Variants in TLR7 observed in about 807,000 individuals in gnomAD.
TLR7 encodes toll-like receptor 7.
Under a neutral mutation model 38.3 loss-of-function variants are expected in TLR7, and 12 were observed. The observed-to-expected ratio is 0.31, with a 90% CI of 0.20 to 0.51. The LOEUF (loss-of-function observed/expected upper bound fraction) is 0.51, where lower values mean the gene tolerates loss of function less well. Ranked by LOEUF, TLR7 falls within the 20% of genes least tolerant of loss-of-function variation. The pLI, the probability that TLR7 is intolerant of heterozygous loss-of-function variation, is 0.98. For synonymous variants in TLR7, 285 were observed against 293.8 expected (o/e 0.97, Z 0.31); for missense variants, 504 against 743.4 (o/e 0.68, Z 3.74).
intron 2 of TLR7, among the ~76,000 whole-genome samples, chrX:12,884,223 G>A (rs990128828): frequency 3.6e-5 from 4 of 111,843 alleles, no homozygotes; most frequent in East Asian, 2.8e-4. Flanking sequence ...CAAGCGATCC[G>A]CCTGCCTTGT....
At chrX:12,882,050 T>C (rs1453392095) in intron 2 of TLR7, among the ~76,000 whole-genome samples, 1 of 110,667 alleles carries the variant, frequency 9.0e-6, no homozygotes, top group Non-Finnish European at 1.9e-5. Flanking sequence ...ATTTCAGGAA[T>C]AGGAAACAGC....
At chrX:12,870,090 T>A (rs949752252) in intron 2 of TLR7, among the ~76,000 whole-genome samples, 2 of 111,034 alleles carry the variant, frequency 1.8e-5, no homozygotes, top group African/African-American at 6.6e-5. Context: ...TAATCTGTGA[T>A]GATGGTTTAC....
intron 2 of TLR7, among the ~76,000 whole-genome samples, 170 bp from the exon 3 acceptor site, chrX:12,885,342 G>C (rs1453482008): frequency 3.6e-5 from 4 of 112,291 alleles, no homozygotes; most frequent in African/African-American, 1.3e-4. Context: ...GCAAATCTCA[G>C]TAACTGACAA....
chrX:12,884,048 C>T (rs772854577), intron 2 of TLR7, among the ~76,000 whole-genome samples: 1 of 111,393 alleles, frequency 9.0e-6, no homozygotes, highest in African/African-American at 3.3e-5. Flanking sequence ...GGTGTGATCA[C>T]GGCTCACTGC....
At chrX:12,871,349 C>T (rs951829596) in intron 2 of TLR7, among the ~76,000 whole-genome samples, 3 of 112,316 alleles carry the variant, frequency 2.7e-5, no homozygotes, top group African/African-American at 9.7e-5. Context: ...ATTCACAGTG[C>T]TTGGTTATTC....
chrX:12,879,107 T>C (rs1331055123), intron 2 of TLR7, among the ~76,000 whole-genome samples: 2 of 111,985 alleles, frequency 1.8e-5, no homozygotes, highest in East Asian at 5.6e-4. Context: ...GTAAGACTGC[T>C]AAAAACAGTA....
Position 12,887,582 on chromosome X carries a change from T to G in TLR7, c.2074T>G (p.Trp692Gly). The G allele has an allele frequency of 8.3e-7, 1 of 1,210,841 alleles. No homozygotes were observed. The change falls in exon 3 of 3, where the codon TGG becomes GGG. Residue 692 changes from tryptophan to glycine, a missense_variant. Coordinates refer to ENST00000380659, the MANE Select transcript of TLR7 (RefSeq NM_016562.4). ...LAKNGLKSFS[W>G]KKLQCLKNLE... ...CAAAAATGGGCTCAAATCTTTCAGT[T>G]GGAAGAAACTCCAGTGTCTAAAGAA...
chrX:12,870,629 C>A (rs1234835560), intron 2 of TLR7, among the ~76,000 whole-genome samples: 1 of 111,412 alleles, frequency 9.0e-6, no homozygotes, highest in Non-Finnish European at 1.9e-5. Flanking sequence ...GGGCTATATC[C>A]CACCTGCTGT....
intron 2 of TLR7, among the ~76,000 whole-genome samples, chrX:12,873,457 C>G (rs1033603888): frequency 8.9e-6 from 1 of 112,427 alleles, no homozygotes; most frequent in Non-Finnish European, 1.9e-5. Flanking sequence ...AGAGAAGTAC[C>G]TGGCATGTTG....
intron 2 of TLR7, among the ~76,000 whole-genome samples, chrX:12,872,711 A>G (rs191526803): frequency 2.7e-5 from 3 of 110,092 alleles, no homozygotes; most frequent in Non-Finnish European, 5.7e-5. Flanking sequence ...TCTTCCAAGA[A>G]CTTTGAAGTC....
At chrX:12,870,143 T>TA (rs2042847468) in intron 2 of TLR7, among the ~76,000 whole-genome samples, 1 of 111,454 alleles carries the variant, frequency 9.0e-6, no homozygotes, top group Non-Finnish European at 1.9e-5. Flanking sequence ...TCAACATCCC[T>TA]ACTTTATAAC....
At position 12,886,821 on chromosome X, in the gene TLR7, A is replaced by T. The variant is rs766470912; in HGVS notation, c.1313A>T (p.Asp438Val). The T allele has an allele frequency of 7.4e-6, 9 of 1,209,119 alleles. No homozygotes were observed. In the Admixed American group the frequency reaches 2.0e-4, roughly 26 times the overall value. ...LSVNKISPSG[D>V]SSEVGFCSNA... is the part of the protein sequence containing the mutation. ...GTGAATAAAATATCACCTTCAGGAG[A>T]TTCAAGTGAAGTTGGCTTCTGCTCA... is the stretch of plus-strand genomic sequence containing the variant. The change falls in exon 3 of 3, where the codon GAT becomes GTT. Residue 438 changes from aspartate to valine, a missense_variant. Transcript: ENST00000380659.
intron 2 of TLR7, among the ~76,000 whole-genome samples, chrX:12,874,882 G>C (rs1282952780): frequency 9.0e-6 from 1 of 111,462 alleles, no homozygotes; most frequent in Non-Finnish European, 1.9e-5. Context: ...ATTGCAACCA[G>C]ACATCTCTTA....
rs201304033 is a variant in TLR7 at position 12,885,782 on chromosome X, G to A, written c.274G>A (p.Val92Ile). The A allele has an allele frequency of 7.3e-5, 88 of 1,210,292 alleles. No individual in the cohort carries two copies. The highest frequency in any genetic ancestry group is 1.1e-5 in the Non-Finnish European group (10 of 895,311). ...GTCCTTTCACAGACTGGACCATCTG[G>A]TAGAGATCGATTTCAGATGCAACTG... ...PASFHRLDHLVEIDFRCNCVP... is the reference protein window; with the variant it reads ...PASFHRLDHLIEIDFRCNCVP... Residue 92 changes from valine (V) to isoleucine (I), a missense_variant, in exon 3 of 3, where the codon GTA becomes ATA. Coordinates refer to ENST00000380659, the MANE Select transcript of TLR7 (RefSeq NM_016562.4).
intron 2 of TLR7, among the ~76,000 whole-genome samples, chrX:12,873,605 G>A (rs1262489357): frequency 1.8e-5 from 2 of 111,814 alleles, no homozygotes; most frequent in African/African-American, 6.5e-5. Context: ...ATGATAAAAA[G>A]TCAAAGAGTA....
chrX:12,870,791 TTGTTGATAAG>T (rs5743730), intron 2 of TLR7, among the ~76,000 whole-genome samples: 1,457 of 112,825 alleles, frequency 0.013, 17 homozygotes, highest in African/African-American at 0.044. Flanking sequence ...TGTTTACTTA[TTGTTGATAAG>T]TGCTTTTGCA....
At chrX:12,868,094 G>A (rs904206303) in intron 2 of TLR7, among the ~76,000 whole-genome samples, 1 of 112,355 alleles carries the variant, frequency 8.9e-6, no homozygotes, top group Non-Finnish European at 1.9e-5. Context: ...GGCAGAAAGA[G>A]ACCTCAGTAT....
rs5743781 is a variant in TLR7 at position 12,886,851 on chromosome X, C to T, written c.1343C>T (p.Ala448Val). 4.2e-3 allele frequency: 5,025 copies of T among 1,208,256 alleles called. 24 individuals carry two copies. The highest frequency in any genetic ancestry group is 5.1e-3 in the Non-Finnish European group (4,571 of 894,119). ...AGTGAAGTTGGCTTCTGCTCAAATG[C>T]CAGAACTTCTGTAGAAAGTTATGAA... is the stretch of plus-strand genomic sequence containing the variant. Reference protein sequence around the residue: ...DSSEVGFCSNARTSVESYEPQ... With the variant: ...DSSEVGFCSNVRTSVESYEPQ... The change falls in exon 3 of 3, where the codon GCC (alanine) becomes GTC (valine). Residue 448 changes from alanine (A) to valine (V), a missense_variant. Ala to Val is a moderately conservative substitution (Grantham distance 64). Transcript: ENST00000380659.
chrX:12,886,092 T>C lies in TLR7; in HGVS notation c.584T>C (p.Ile195Thr), dbSNP rs1225846451. 8.3e-7 allele frequency: 1 copy of C among 1,211,294 alleles called. No individual in the cohort carries two copies. Among genetic ancestry groups the C allele is most frequent in the East Asian group, 3.0e-5 (1 of 33,883 alleles). The part of the protein sequence containing the change: ...YRNPCYVSYS[I>T]EKDAFLNLTK... ...AATCCTTGTTATGTTTCATATTCAA[T>C]AGAGAAAGATGCCTTCCTAAACTTG... The change falls in exon 3 of 3, where the codon ATA (isoleucine) becomes ACA (threonine). Residue 195 changes from isoleucine to threonine, a missense_variant. Physicochemically the swap from Ile to Thr is moderately conservative, Grantham distance 89. Coordinates refer to ENST00000380659, the MANE Select transcript of TLR7 (RefSeq NM_016562.4).
Sources: gnomAD v4.1 joint callset for allele counts (sites outside exome capture counted in the v4.1 genomes callset) on GRCh38, gnomAD v4.1.1 for gene constraint, MANE v1.5 for transcripts, NCBI Gene and HGNC (gene_info 2026-07-23, HGNC 2026-07-21) for gene names.